EPHA6: variants seen among roughly 807,000 people sequenced by gnomAD.
EPHA6 encodes the protein EPH receptor A6.
EPHA6 carries 50 observed loss-of-function variants against 112.0 expected under a neutral mutation model. The ratio of observed to expected loss-of-function variants is 0.45; its 90% CI spans 0.36 to 0.56. EPHA6 has a LOEUF of 0.56. Among genes scored for constraint, EPHA6 ranks in the 20% least tolerant of loss-of-function variants. EPHA6 has a pLI of 0.00. For missense variants in EPHA6, 1,280 were observed against 1,417.4 expected (o/e 0.90, Z 1.56); for synonymous variants, 529 against 490.7 (o/e 1.08, Z -1.03).
intron 10 of EPHA6, among the ~76,000 whole-genome samples, chr3:97,511,353 T>C (rs976951787): frequency 2.0e-5 from 3 of 152,234 alleles, no homozygotes; most frequent in African/African-American, 7.2e-5. Flanking sequence ...TTGTGAAGAC[T>C]GTGGGAAAAG....
intron 11 of EPHA6, among the ~76,000 whole-genome samples, chr3:97,578,830 A>G (rs1345419468): frequency 6.6e-6 from 1 of 152,202 alleles, no homozygotes; most frequent in Non-Finnish European, 1.5e-5. Flanking sequence ...AATTTTTATA[A>G]CAGTCTTATA....
chr3:97,477,390 G>T (rs1477153906), intron 8 of EPHA6, among the ~76,000 whole-genome samples: 1 of 141,152 alleles, frequency 7.1e-6, no homozygotes, highest in Non-Finnish European at 1.5e-5. Flanking sequence ...CAAAGAGAGG[G>T]ATTACAAGAC....
intron 6 of EPHA6, among the ~76,000 whole-genome samples, chr3:97,408,123 A>G (rs954482152): frequency 1.3e-5 from 2 of 152,084 alleles, no homozygotes; most frequent in Non-Finnish European, 2.9e-5. Flanking sequence ...GAGAAAAGCA[A>G]AGAGAGGGGA....
At chr3:97,582,125 G>A (rs570568591) in intron 11 of EPHA6, among the ~76,000 whole-genome samples, 2 of 151,998 alleles carry the variant, frequency 1.3e-5, no homozygotes, top group African/African-American at 2.4e-5. Context: ...CACCTCCCAG[G>A]ATCAAGCAAT....
At chr3:97,243,036 T>C (rs2061935922) in intron 4 of EPHA6, among the ~76,000 whole-genome samples, 1 of 151,832 alleles carries the variant, frequency 6.6e-6, no homozygotes, top group Admixed American at 6.6e-5. Context: ...AGGACTCAGA[T>C]AAGTATATAG....
Position 97,482,975 on chromosome 3 carries a change from C to T in EPHA6, c.2075-959C>T, listed in dbSNP as rs532749791. On this transcript the variant is annotated intron_variant, in intron 9 of 17. Transcript: ENST00000389672. ...AAATGGAAAATGGAAATTAATGAGC[C>T]AGCTTGGTGGCTTGTGCCTGTACTC... Among the ~76,000 whole-genome samples the T allele has an allele frequency of 7.2e-4, 109 of 152,206 alleles. 1 individual carries two copies. The East Asian group carries it at 8.7e-3, about 12-fold the overall frequency.
intron 4 of EPHA6, among the ~76,000 whole-genome samples, chr3:97,243,285 T>C (rs930732777): frequency 1.3e-5 from 2 of 151,862 alleles, no homozygotes; most frequent in African/African-American, 4.8e-5. Context: ...CCTGCCATCA[T>C]TTCTTGTCAG....
chr3:96,836,985 T>G (rs2034455391), intron 1 of EPHA6, among the ~76,000 whole-genome samples: 1 of 152,114 alleles, frequency 6.6e-6, no homozygotes, highest in African/African-American at 2.4e-5. Flanking sequence ...TTAAGTAACT[T>G]ACCCGAAAAC....
intron 5 of EPHA6, among the ~76,000 whole-genome samples, chr3:97,374,148 G>A (rs1175112782): frequency 6.6e-6 from 1 of 152,068 alleles, no homozygotes; most frequent in African/African-American, 2.4e-5. Flanking sequence ...ATAAGTTAAG[G>A]CAAAGCTCCA....
At chr3:97,712,452 T>C (rs2034017485) in intron 14 of EPHA6, among the ~76,000 whole-genome samples, 2 of 152,314 alleles carry the variant, frequency 1.3e-5, no homozygotes, top group African/African-American at 4.8e-5. Flanking sequence ...AGTGATAGGT[T>C]GTTTTGAAAA....
At chr3:96,939,395 G>C (rs2107681033) in intron 2 of EPHA6, among the ~76,000 whole-genome samples, 1 of 152,324 alleles carries the variant, frequency 6.6e-6, no homozygotes, top group South Asian at 2.1e-4. Context: ...TATTTGCGTA[G>C]AGATGTTTGT....
At chr3:97,028,977 A>T (rs2044733299) in intron 3 of EPHA6, among the ~76,000 whole-genome samples, 1 of 151,630 alleles carries the variant, frequency 6.6e-6, no homozygotes, top group African/African-American at 2.4e-5. Flanking sequence ...AGCTTCAAAC[A>T]TTTATAAACA....
intron 2 of EPHA6, among the ~76,000 whole-genome samples, chr3:96,983,579 C>T (rs1393032325): frequency 2.0e-5 from 3 of 152,110 alleles, no homozygotes; most frequent in Non-Finnish European, 4.4e-5. Flanking sequence ...CTCTGTATTT[C>T]CTGAATTTGA....
intron 2 of EPHA6, among the ~76,000 whole-genome samples, chr3:96,904,456 G>A (rs1312725677): frequency 2.6e-5 from 3 of 116,402 alleles, no homozygotes; most frequent in Admixed American, 1.1e-4. Context: ...GGGGTCTGTT[G>A]TGGGGTGGGG....
At chr3:97,342,676 G>A (rs2083367140) in intron 5 of EPHA6, among the ~76,000 whole-genome samples, 1 of 152,056 alleles carries the variant, frequency 6.6e-6, no homozygotes, top group East Asian at 1.9e-4. Context: ...AGAGATATAA[G>A]AAAGTTTGTC....
chr3:97,542,818 T>C (rs1288209863), intron 11 of EPHA6, among the ~76,000 whole-genome samples: 1 of 152,194 alleles, frequency 6.6e-6, no homozygotes, highest in Non-Finnish European at 1.5e-5. Context: ...CCCATTGTGG[T>C]TTTGATTTGC....
chr3:96,897,211 A>AACACACACACACAC (rs57409609), intron 2 of EPHA6, among the ~76,000 whole-genome samples: 3 of 143,336 alleles, frequency 2.1e-5, no homozygotes, highest in Admixed American at 2.1e-4. Context: ...TGTATATACA[A>AACACACACACACAC]ACACACACAC....
chr3:97,758,172 C>T lies in EPHA6; in HGVS notation c.*9471C>T, dbSNP rs147439579. On this transcript the variant is annotated 3_prime_UTR_variant, in exon 18 of 18. Transcript: ENST00000389672. ...CAAGAGTGAAAAGCTACTCCATTTA[C>T]GTGTAATCTGCTTATTTTCTTCAGA... is the stretch of plus-strand genomic sequence containing the variant. Among the ~76,000 whole-genome samples, 38 of 152,008 alleles carry T rather than the reference C, an allele frequency of 2.5e-4. No homozygotes were observed. In the East Asian group the frequency reaches 5.8e-3, roughly 23 times the overall value.
intron 2 of EPHA6, among the ~76,000 whole-genome samples, chr3:96,981,499 G>A (rs1345954143): frequency 6.6e-6 from 1 of 151,844 alleles, no homozygotes; most frequent in Non-Finnish European, 1.5e-5. Flanking sequence ...AGGGATATTG[G>A]TCTAAAATTC....
Sources: gnomAD v4.1 joint callset for allele counts (sites outside exome capture counted in the v4.1 genomes callset) on GRCh38, gnomAD v4.1.1 for gene constraint, MANE v1.5 for transcripts, NCBI Gene and HGNC (gene_info 2026-07-23, HGNC 2026-07-21) for gene names.